Variants in BCKDHB observed in about 807,000 individuals in gnomAD.
The protein encoded by BCKDHB is 2-oxoisovalerate dehydrogenase subunit beta, mitochondrial.
In BCKDHB, 41 loss-of-function variants were observed where a neutral mutation model predicts 48.5. The observed-to-expected ratio is 0.85, with a 90% CI of 0.66 to 1.10. The LOEUF is 1.10. Among genes scored for constraint, BCKDHB ranks in the 50% least tolerant of loss-of-function variants. The probability of loss-of-function intolerance (pLI) is 0.00; values close to 1 mark genes in which losing one functional copy is unlikely to be tolerated. For synonymous variants in BCKDHB, 201 were observed against 174.8 expected (o/e 1.15, Z -1.18); for missense variants, 496 against 494.2 (o/e 1.00, Z -0.03).
At chr6:80,234,465 T>G (rs1776063624) in intron 8 of BCKDHB, among the ~76,000 whole-genome samples, 1 of 152,160 alleles carries the variant, frequency 6.6e-6, no homozygotes, top group East Asian at 1.9e-4. Flanking sequence ...GGTTTTGAAC[T>G]TAATAATAAA....
rs555963243 is a variant in BCKDHB, at chr6:80,241,498, A to G, written c.952-31637A>G. Among the ~76,000 whole-genome samples the G allele has an allele frequency of 3.9e-5, 6 of 152,192 alleles. No homozygotes were observed. The East Asian group carries it at 7.7e-4, about 20-fold the overall frequency. On this transcript the variant is annotated intron_variant, in intron 8 of 9. Transcript: ENST00000320393. ...CTTTGTGCTTGTTGGTTTTCCTTCT[A>G]ACAGTCAGGACCCTCAGCTGCAGGT...
chr6:80,252,363 C>T (rs1776871488), intron 8 of BCKDHB, among the ~76,000 whole-genome samples: 2 of 152,124 alleles, frequency 1.3e-5, no homozygotes, highest in African/African-American at 2.4e-5. Flanking sequence ...AGATCATTTT[C>T]AACATTAGCA....
At chr6:80,298,954 T>C (rs1309653587) in intron 9 of BCKDHB, among the ~76,000 whole-genome samples, 2 of 152,198 alleles carry the variant, frequency 1.3e-5, no homozygotes, top group Non-Finnish European at 2.9e-5. Flanking sequence ...CGTATATGCC[T>C]AATTCTGTCA....
intron 8 of BCKDHB, among the ~76,000 whole-genome samples, chr6:80,239,300 G>C (rs918658005): frequency 6.6e-6 from 1 of 152,138 alleles, no homozygotes; most frequent in African/African-American, 2.4e-5. Flanking sequence ...ATTCTAACTG[G>C]TGTGAGATGA....
At chr6:80,211,741 G>A (rs980863152) in intron 8 of BCKDHB, among the ~76,000 whole-genome samples, 2 of 152,034 alleles carry the variant, frequency 1.3e-5, no homozygotes, top group African/African-American at 4.8e-5. Context: ...TTTCAACATA[G>A]ATTCTTTCTA....
chr6:80,187,437 G>A (rs569574946), intron 6 of BCKDHB, among the ~76,000 whole-genome samples: 1 of 152,158 alleles, frequency 6.6e-6, no homozygotes, highest in African/African-American at 2.4e-5. Flanking sequence ...TTCTAACTCA[G>A]TAGAGAGGGT....
chr6:80,399,986 T>C, the BCKDHB span, among the ~76,000 whole-genome samples: 71 of 152,136 alleles, frequency 4.7e-4, 1 homozygote, highest in Admixed American at 2.1e-3. Context: ...ATGGGAAAGA[T>C]TCCTTATTCA....
At chr6:80,257,368 GTA>G (rs1554203053) in intron 8 of BCKDHB, among the ~76,000 whole-genome samples, 1 of 149,196 alleles carries the variant, frequency 6.7e-6, no homozygotes, top group Non-Finnish European at 1.5e-5. Context: ...CTTATATTGT[GTA>G]TGTGTATATA....
At chr6:80,185,920 G>A (rs1044927966) in intron 6 of BCKDHB, among the ~76,000 whole-genome samples, 3 of 152,208 alleles carry the variant, frequency 2.0e-5, no homozygotes, top group Admixed American at 2.0e-4. Context: ...CAGTGAAGTT[G>A]TTATGTGGAC....
the BCKDHB span, among the ~76,000 whole-genome samples, chr6:80,434,891 A>G: frequency 2.6e-5 from 4 of 152,246 alleles, no homozygotes; most frequent in Admixed American, 1.3e-4. Context: ...TTATGCAGTC[A>G]TAGATCTGTG....
intron 8 of BCKDHB, among the ~76,000 whole-genome samples, chr6:80,271,700 G>A (rs1777751149): frequency 6.6e-6 from 1 of 151,938 alleles, no homozygotes; most frequent in Non-Finnish European, 1.5e-5. Flanking sequence ...ATACTTTTAT[G>A]TTGGCCAAGT....
At chr6:80,170,651 A>G (rs985573548) in intron 5 of BCKDHB, among the ~76,000 whole-genome samples, 3 of 152,124 alleles carry the variant, frequency 2.0e-5, no homozygotes, top group Admixed American at 1.3e-4. Flanking sequence ...TGTACTTCCT[A>G]CTGTCATTAT....
intron 8 of BCKDHB, among the ~76,000 whole-genome samples, chr6:80,256,654 G>GTT (rs1489891732): frequency 6.6e-6 from 1 of 152,096 alleles, no homozygotes; most frequent in Non-Finnish European, 1.5e-5. Context: ...TATTTGGAAA[G>GTT]TTAACAGTCT....
chr6:80,439,206 G>A, the BCKDHB span, among the ~76,000 whole-genome samples: 2 of 152,242 alleles, frequency 1.3e-5, no homozygotes, highest in East Asian at 3.9e-4. Context: ...TAGTTCAGAG[G>A]TTTCGACTCA....
chr6:80,196,663 C>T lies in BCKDHB; in HGVS notation c.743-4271C>T, dbSNP rs186021110. ...ATATATATATATTATTTACACACCT[C>T]ACCTCTTCCAAAAATGTGTTTAAGA... On this transcript the variant is annotated intron_variant, in intron 6 of 9. Transcript: ENST00000320393. 7.4e-4 allele frequency among the ~76,000 whole-genome samples: 112 copies of T among 152,172 alleles called. 1 individual carries two copies. The highest frequency in any genetic ancestry group is 2.4e-3 in the African/African-American group (101 of 41,522).
the BCKDHB span, among the ~76,000 whole-genome samples, chr6:80,371,868 G>A: frequency 8.6e-5 from 13 of 152,046 alleles, no homozygotes; most frequent in Non-Finnish European, 1.8e-4. Flanking sequence ...GTACCATGCT[G>A]TTTTGGTGAC....
At chr6:80,235,881 G>A (rs1470968605) in intron 8 of BCKDHB, among the ~76,000 whole-genome samples, 2 of 152,144 alleles carry the variant, frequency 1.3e-5, no homozygotes, top group African/African-American at 2.4e-5. Context: ...CCGGCACTGG[G>A]AACAACTGGT....
chr6:80,215,569 G>A (rs781772890), intron 8 of BCKDHB, among the ~76,000 whole-genome samples: 24 of 152,128 alleles, frequency 1.6e-4, no homozygotes, highest in Non-Finnish European at 3.1e-4. Context: ...GAAAAATAAC[G>A]TGGCATTTGG....
At chr6:80,229,101 AC>A (rs1187359397) in intron 8 of BCKDHB, among the ~76,000 whole-genome samples, 2 of 152,190 alleles carry the variant, frequency 1.3e-5, no homozygotes, top group Non-Finnish European at 1.5e-5. Context: ...CTCAGTGAGC[AC>A]CTTCTGGGAC....
Sources: allele counts gnomAD v4.1 joint callset (sites outside exome capture counted in the v4.1 genomes callset), GRCh38; gene constraint gnomAD v4.1.1; transcripts MANE v1.5; gene names NCBI Gene and HGNC (gene_info 2026-07-23, HGNC 2026-07-21).